GRIK5: variants seen among roughly 807,000 people sequenced by gnomAD.
GRIK5 encodes the protein glutamate receptor ionotropic, kainate 5.
In GRIK5, 43 loss-of-function variants were observed where a neutral mutation model predicts 97.4. The ratio of observed to expected loss-of-function variants is 0.44; its 90% CI spans 0.35 to 0.57. GRIK5 has a LOEUF of 0.57. Among genes scored for constraint, GRIK5 ranks in the 20% least tolerant of loss-of-function variants. The probability of loss-of-function intolerance (pLI) is 0.01; values close to 1 mark genes in which losing one functional copy is unlikely to be tolerated. For synonymous variants in GRIK5, 580 were observed against 583.5 expected, an observed-to-expected ratio of 0.99 and a Z score of 0.09; for missense variants, 1,015 against 1,382.0, an observed-to-expected ratio of 0.73 and a Z score of 4.21.
At chr19:42,014,414 A>T (rs910320900) in intron 15 of GRIK5, among the ~76,000 whole-genome samples, 40 of 151,782 alleles carry the variant, frequency 2.6e-4, no homozygotes, top group African/African-American at 9.7e-4. Flanking sequence ...AAAAAAAAAA[A>T]TTTTACTATC....
chr19:42,062,432 C>T lies in GRIK5; in HGVS notation c.508+56G>A. On this transcript the variant is annotated intron_variant, in intron 5 of 19. Coordinates refer to ENST00000593562, the MANE Select transcript of GRIK5 (RefSeq NM_002088.5). This position sits in a 1 kb window ranked among gnomAD's most constrained non-coding sequence, Gnocchi z 5.3. ...TGAACCACTGTGTGGGACACCAGAT[C>T]TCTTGGGAAGGGGTGTCTGGGGGAA... 6.3e-7 allele frequency: 1 copy of T among 1,579,004 alleles called. No individual in the cohort carries two copies. Among genetic ancestry groups the T allele is most frequent in the East Asian group, 2.3e-5 (1 of 44,092 alleles).
At chr19:42,043,895 G>A (rs2076010754) in intron 11 of GRIK5, among the ~76,000 whole-genome samples, 1 of 152,102 alleles carries the variant, frequency 6.6e-6, no homozygotes, top group Non-Finnish European at 1.5e-5. Context: ...GGGCAACTGA[G>A]CAACTCTGTC....
intron 6 of GRIK5, among the ~76,000 whole-genome samples, chr19:42,058,990 T>C (rs75528314): frequency 0.13 from 19,901 of 152,024 alleles, 1,449 homozygotes; most frequent in Middle Eastern, 0.17. Flanking sequence ...CACAGCCCCT[T>C]CTCTCCCCAT....
At chr19:42,033,144 C>G (rs768950831) in intron 12 of GRIK5, among the ~76,000 whole-genome samples, 1 of 151,990 alleles carries the variant, frequency 6.6e-6, no homozygotes, top group Non-Finnish European at 1.5e-5. Flanking sequence ...ATGGTGAAAG[C>G]CTGTCTCTAC....
chr19:42,042,561 G>A lies in GRIK5; in HGVS notation c.1464C>T (p.Leu488=), dbSNP rs755651378. ...CCCAGTCCAGCCATACCCGGTTGAT[G>A]AGCTCGCCAACCATGCCCGTCCAGG... ...NGSWTGMVGE[L]INRKADLAVA... Residue 488 remains leucine, a synonymous_variant, in exon 12 of 20, where the codon CTC becomes CTT. Coordinates refer to ENST00000593562, the MANE Select transcript of GRIK5 (RefSeq NM_002088.5). This position sits in a 1 kb window ranked among gnomAD's most constrained non-coding sequence, Gnocchi z 6.9. 10 of 1,609,972 alleles carry A rather than the reference G, an allele frequency of 6.2e-6. No individual in the cohort carries two copies. In the East Asian group the frequency reaches 1.8e-4, roughly 29 times the overall value.
chr19:42,020,281 G>A (rs918511733), intron 15 of GRIK5, among the ~76,000 whole-genome samples: 3 of 152,150 alleles, frequency 2.0e-5, no homozygotes, highest in Non-Finnish European at 2.9e-5. Context: ...ACTTGAAAAA[G>A]GCACAAATTA....
At chr19:42,069,097 G>C (rs1294270934) in intron 1 of GRIK5, 144 bp downstream of exon 1, 2 of 451,740 alleles carry the variant, frequency 4.4e-6, no homozygotes, top group Admixed American at 4.1e-5. Flanking sequence ...AGGAGATGGA[G>C]GGCGCAGAGC....
chr19:42,005,436 G>A (rs1256670413), intron 17 of GRIK5, among the ~76,000 whole-genome samples: 6 of 152,134 alleles, frequency 3.9e-5, no homozygotes, highest in African/African-American at 1.4e-4. Context: ...GGGCCCTTGG[G>A]GGAAGACAGC....
chr19:42,022,685 AAG>A lies in GRIK5; in HGVS notation c.1474-333_1474-332del. The A allele has an allele frequency of 1.0e-6, 1 of 984,318 alleles. No homozygotes were observed. The highest frequency in any genetic ancestry group is 1.7e-5 in the African/African-American group (1 of 57,184). 61.0% of individuals were successfully genotyped at this position (984,318 alleles called of 1,614,324 possible). Reference sequence around the variant, plus strand: ...CAGCAACTTCTCCCTAGGGCCATAAAAGAGCCAAGGTCCTGAAGGGGCTGAGA... The same window carrying A: ...CAGCAACTTCTCCCTAGGGCCATAAAAGCCAAGGTCCTGAAGGGGCTGAGA... On this transcript the variant is annotated intron_variant, in intron 12 of 19. Transcript: ENST00000593562. The surrounding 1 kb of genome is among the most constrained non-coding windows in gnomAD (Gnocchi z 4.2).
rs2076158982 is a variant in GRIK5, at chr19:42,054,562, C to T, written c.904-90G>A. The T allele has an allele frequency of 2.1e-6, 3 of 1,423,700 alleles. No homozygotes were observed. In the African/African-American group the frequency reaches 4.2e-5, roughly 20 times the overall value. 88.2% of individuals were successfully genotyped at this position (1,423,700 alleles called of 1,614,324 possible). A position where few individuals can be genotyped will look rare whatever the true frequency, so the allele number is the denominator to read the frequency against. On this transcript the variant is annotated intron_variant, in intron 8 of 19. Transcript: ENST00000593562. ...GCCCCTGAGCTGCCACCCTCAAACCCTCAAATAACTTCCCTCTCCCCAGGA... is the reference window on the plus strand; with the variant it reads ...GCCCCTGAGCTGCCACCCTCAAACCTTCAAATAACTTCCCTCTCCCCAGGA...
rs782303555 is a variant in GRIK5, at chr19:42,006,620, G to C, written c.2037+25C>G. 6.2e-7 allele frequency: 1 copy of C among 1,607,426 alleles called. No homozygotes were observed. The highest frequency in any genetic ancestry group is 1.7e-5 in the Admixed American group (1 of 59,980). Reference sequence around the variant, plus strand: ...TGCATGGCAGGGATCCCAACACCACGCCTGAGAGGTTCTGGTGGCCCCACC... The same window carrying C: ...TGCATGGCAGGGATCCCAACACCACCCCTGAGAGGTTCTGGTGGCCCCACC... On this transcript the variant is annotated intron_variant, in intron 16 of 19. Transcript: ENST00000593562. This position sits in a 1 kb window ranked among gnomAD's most constrained non-coding sequence, Gnocchi z 5.3.
In GRIK5 at chr19:42,003,227, C is replaced by T. The variant is rs559886430; in HGVS notation, c.2514+105G>A. The T allele has an allele frequency of 4.1e-4, 431 of 1,059,018 alleles. 6 individuals carry two copies. The South Asian group carries it at 5.8e-3, about 14-fold the overall frequency. 65.6% of individuals were successfully genotyped at this position (1,059,018 alleles called of 1,614,324 possible). On this transcript the variant is annotated intron_variant, in intron 19 of 19. Transcript: ENST00000593562. This position sits in a 1 kb window ranked among gnomAD's most constrained non-coding sequence, Gnocchi z 4.2. ...CCTGCATTCCTCTGCCCCCTTCTCG[C>T]GATCCCCACCACCCTCCAGGTATGG...
At position 42,003,305 on chromosome 19, in the gene GRIK5, G is replaced by GGCCC; in HGVS notation, c.2514+26_2514+27insGGGC. 1.0e-4 allele frequency: 155 copies of GGCCC among 1,540,566 alleles called. No individual in the cohort carries two copies. The highest frequency in any genetic ancestry group is 1.3e-4 in the Non-Finnish European group (141 of 1,118,044). On this transcript the variant is annotated intron_variant, in intron 19 of 19. Transcript: ENST00000593562. The surrounding 1 kb of genome is among the most constrained non-coding windows in gnomAD (Gnocchi z 4.2). ...TCAGCCCCTGGGGGTCCCTGTTCCT[G>GGCCC]CCCACCCCCACCCCCAGCCTCCTCA... is the stretch of plus-strand genomic sequence containing the variant.
intron 12 of GRIK5, among the ~76,000 whole-genome samples, chr19:42,028,192 C>T (rs1185306864): frequency 6.6e-6 from 1 of 152,144 alleles, no homozygotes; most frequent in Non-Finnish European, 1.5e-5. Context: ...AGCCCCTACC[C>T]TGACGGGCCC....
intron 5 of GRIK5, among the ~76,000 whole-genome samples, 154 bp from the exon 6 acceptor site, chr19:42,059,681 G>A (rs913436608): frequency 6.6e-6 from 1 of 152,010 alleles, no homozygotes; most frequent in Admixed American, 6.6e-5. Context: ...ATGGGCTTGG[G>A]GACCCAAAGC....
intron 11 of GRIK5, 25 bp downstream of exon 11, chr19:42,053,577 C>T: frequency 1.5e-6 from 2 of 1,378,336 alleles, no homozygotes; most frequent in Non-Finnish European, 1.0e-6. Context: ...GCGCCACTCC[C>T]AGGCCCCCAT....
intron 1 of GRIK5, 166 bp downstream of exon 1, chr19:42,069,075 G>C: frequency 2.2e-6 from 1 of 456,052 alleles, no homozygotes; most frequent in Non-Finnish European, 3.9e-6. Flanking sequence ...AGGTCGAGGT[G>C]AATGGACGCT....
At chr19:42,059,593 C>T in intron 5 of GRIK5, 66 bp from the exon 6 acceptor site, 1 of 1,380,720 alleles carries the variant, frequency 7.2e-7, no homozygotes, top group South Asian at 1.2e-5. Flanking sequence ...TAGACACTCT[C>T]TCCTCCTCAA....
rs548901420 is a variant in GRIK5, at chr19:42,037,289, G to A, written c.1473+5263C>T. ...AGCCTGGCCAACATGGCGAAACCCC[G>A]TCTCCACTAAAAATACAAAAATAGC... is the stretch of plus-strand genomic sequence containing the variant. On this transcript the variant is annotated intron_variant, in intron 12 of 19. Transcript: ENST00000593562. 5.9e-5 allele frequency among the ~76,000 whole-genome samples: 9 copies of A among 152,184 alleles called. No homozygotes were observed. The East Asian group carries it at 1.2e-3, about 20-fold the overall frequency.
Sources: allele counts gnomAD v4.1 joint callset (sites outside exome capture counted in the v4.1 genomes callset), GRCh38; gene constraint gnomAD v4.1.1; non-coding constraint Gnocchi (gnomAD v3.1); transcripts MANE v1.5; gene names NCBI Gene and HGNC (gene_info 2026-07-23, HGNC 2026-07-21).